Variants in SCAPER observed in about 807,000 individuals in gnomAD.
SCAPER encodes S-phase cyclin A associated protein in the ER.
SCAPER carries 98 observed loss-of-function variants against 182.2 expected under a neutral mutation model. The observed-to-expected ratio is 0.54, with a 90% CI of 0.46 to 0.64. SCAPER has a LOEUF of 0.64. Ranked by LOEUF, SCAPER falls within the 30% of genes least tolerant of loss-of-function variation. SCAPER has a pLI of 0.00. For synonymous variants in SCAPER, 605 were observed against 564.6 expected, an observed-to-expected ratio of 1.07 and a Z score of -1.01; for missense variants, 1,432 against 1,690.0, an observed-to-expected ratio of 0.85 and a Z score of 2.68.
At chr15:76,768,310 T>C (rs2151295986) in intron 10 of SCAPER, among the ~76,000 whole-genome samples, 1 of 152,278 alleles carries the variant, frequency 6.6e-6, no homozygotes, top group South Asian at 2.1e-4. Flanking sequence ...GTCCATCAAC[T>C]GATGAATAAA....
At chr15:76,724,278 T>G (rs2060452997) in intron 17 of SCAPER, among the ~76,000 whole-genome samples, 1 of 152,060 alleles carries the variant, frequency 6.6e-6, no homozygotes, top group Admixed American at 6.6e-5. Context: ...GCTTATAGAG[T>G]TTCTGCCGAG....
chr15:76,882,409 T>C (rs1464757805), intron 2 of SCAPER, among the ~76,000 whole-genome samples: 2 of 150,156 alleles, frequency 1.3e-5, no homozygotes, highest in Admixed American at 6.6e-5. Context: ...AAAAAAAAGA[T>C]ATTAAGAGAA....
intron 23 of SCAPER, among the ~76,000 whole-genome samples, chr15:76,507,626 C>T (rs549251939): frequency 6.6e-6 from 1 of 152,218 alleles, no homozygotes; most frequent in African/African-American, 2.4e-5. Context: ...CAATTATTGT[C>T]TCCAGCACAT....
intron 15 of SCAPER, among the ~76,000 whole-genome samples, chr15:76,735,455 T>C (rs932281082): frequency 2.0e-5 from 3 of 151,922 alleles, no homozygotes; most frequent in African/African-American, 7.2e-5. Flanking sequence ...CCCAGTACTT[T>C]GGGAGGCCGA....
At chr15:76,882,988 A>C (rs2073655058) in intron 2 of SCAPER, among the ~76,000 whole-genome samples, 1 of 152,224 alleles carries the variant, frequency 6.6e-6, no homozygotes, top group Non-Finnish European at 1.5e-5. Flanking sequence ...CAACCAGAAG[A>C]AGGGGCTCTG....
intron 14 of SCAPER, among the ~76,000 whole-genome samples, chr15:76,762,980 T>C (rs2062883615): frequency 6.6e-6 from 1 of 152,120 alleles, no homozygotes; most frequent in Non-Finnish European, 1.5e-5. Flanking sequence ...TATATTGGGG[T>C]TACCAGTTAT....
At chr15:76,804,900 G>A (rs1037571114) in intron 5 of SCAPER, among the ~76,000 whole-genome samples, 9 of 151,816 alleles carry the variant, frequency 5.9e-5, no homozygotes, top group Admixed American at 5.9e-4. Flanking sequence ...TTTTTATTAT[G>A]AATTTTAACA....
chr15:76,476,540 T>C (rs2050644560), intron 24 of SCAPER, among the ~76,000 whole-genome samples: 1 of 150,576 alleles, frequency 6.6e-6, no homozygotes. Context: ...GTGATGCTTC[T>C]ACCTCAGCCT....
rs1387376748 is a variant in SCAPER at position 76,598,397 on chromosome 15, T to C, written c.2711+23367A>G. The stretch of plus-strand genomic sequence containing the variant: ...CCATTGTGGAAGACAGTGTGGCAAT[T>C]TCTCAAAGATGTAGAACTAGAAATG... On this transcript the variant is annotated intron_variant, in intron 22 of 31. Transcript: ENST00000563290. Among the ~76,000 whole-genome samples, 4 of 121,282 alleles carry C rather than the reference T, an allele frequency of 3.3e-5. 1 individual carries two copies. 79.6% of individuals were successfully genotyped at this position (121,282 alleles called of 152,430 possible).
chr15:76,519,374 G>A (rs1275657307), intron 23 of SCAPER, among the ~76,000 whole-genome samples: 3 of 152,148 alleles, frequency 2.0e-5, no homozygotes, highest in Non-Finnish European at 4.4e-5. Flanking sequence ...AACACCAGGA[G>A]GCCTTTTTAG....
intron 6 of SCAPER, among the ~76,000 whole-genome samples, chr15:76,802,810 G>C (rs760685820): frequency 4.6e-5 from 7 of 152,112 alleles, no homozygotes; most frequent in Non-Finnish European, 1.0e-4. Flanking sequence ...GGCAGGAGGC[G>C]GGGGGAAGCA....
intron 22 of SCAPER, among the ~76,000 whole-genome samples, chr15:76,604,966 C>T (rs2050247931): frequency 6.6e-6 from 1 of 152,162 alleles, no homozygotes; most frequent in Non-Finnish European, 1.5e-5. Flanking sequence ...ATCATGTCAT[C>T]TGCAAACAGG....
intron 6 of SCAPER, 119 bp downstream of exon 6, chr15:76,804,414 C>A: frequency 1.7e-6 from 1 of 598,788 alleles, no homozygotes; most frequent in Non-Finnish European, 2.8e-6. Flanking sequence ...AAATGCAGCA[C>A]CTGACTTTTA....
intron 20 of SCAPER, among the ~76,000 whole-genome samples, chr15:76,673,731 G>A (rs1365183718): frequency 6.6e-6 from 1 of 152,074 alleles, no homozygotes; most frequent in Non-Finnish European, 1.5e-5. Context: ...AGTAAGCAGA[G>A]TTTCTTACCA....
chr15:76,540,637 G>A (rs908767795), intron 23 of SCAPER, among the ~76,000 whole-genome samples: 2 of 151,834 alleles, frequency 1.3e-5, no homozygotes, highest in Admixed American at 1.3e-4. Flanking sequence ...TGTCTGAGGA[G>A]AGAAAAATGA....
chr15:76,587,693 T>C (rs2048769913), intron 22 of SCAPER, among the ~76,000 whole-genome samples: 1 of 152,164 alleles, frequency 6.6e-6, no homozygotes, highest in Non-Finnish European at 1.5e-5. Flanking sequence ...ACTTGTTTTG[T>C]GGCCTATCAT....
chr15:76,683,339 A>G (rs1178528633), intron 20 of SCAPER, among the ~76,000 whole-genome samples: 1 of 152,196 alleles, frequency 6.6e-6, no homozygotes, highest in African/African-American at 2.4e-5. Flanking sequence ...GAATTAACTC[A>G]GTCAAACAAA....
intron 23 of SCAPER, among the ~76,000 whole-genome samples, chr15:76,537,886 T>C (rs1384192977): frequency 6.6e-6 from 1 of 151,596 alleles, no homozygotes; most frequent in Non-Finnish European, 1.5e-5. Context: ...AAAAACAACC[T>C]CATCAAAAAG....
chr15:76,402,109 A>C (rs984127081), intron 27 of SCAPER, among the ~76,000 whole-genome samples: 1 of 152,186 alleles, frequency 6.6e-6, no homozygotes, highest in African/African-American at 2.4e-5. Context: ...CCTGGGCGAC[A>C]GAGTGAGTAA....
Sources: allele counts gnomAD v4.1 joint callset (sites outside exome capture counted in the v4.1 genomes callset), GRCh38; gene constraint gnomAD v4.1.1; transcripts MANE v1.5; gene names NCBI Gene and HGNC (gene_info 2026-07-23, HGNC 2026-07-21).